CARNMT1: variants seen among roughly 807,000 people sequenced by gnomAD.
CARNMT1 encodes protein-L-histidine N-pros-methyltransferase CARNMT1.
A neutral mutation model predicts 49.6 loss-of-function variants in CARNMT1; 28 were observed. The ratio of observed to expected loss-of-function variants is 0.56; its 90% CI spans 0.42 to 0.77. CARNMT1 has a LOEUF of 0.77. Ranked by LOEUF, CARNMT1 falls within the 30% of genes least tolerant of loss-of-function variation. The pLI, the probability that CARNMT1 is intolerant of heterozygous loss-of-function variation, is 0.00. For missense variants in CARNMT1, 421 were observed against 512.6 expected, an observed-to-expected ratio of 0.82 and a Z score of 1.73; for synonymous variants, 178 against 175.0, an observed-to-expected ratio of 1.02 and a Z score of -0.13.
chr9:75,010,087 CTCTT>C (rs941309798), intron 3 of CARNMT1: 3 of 142,790 alleles, frequency 2.1e-5, no homozygotes, highest in African/African-American at 7.8e-5. Context: ...ATAAAAAAAA[CTCTT>C]TCTCTCTTAT....
At chr9:74,989,307 G>A (rs1364964674) in intron 6 of CARNMT1, among the ~76,000 whole-genome samples, 2 of 151,988 alleles carry the variant, frequency 1.3e-5, no homozygotes, top group Non-Finnish European at 2.9e-5. Context: ...GAGATGAAGG[G>A]TCTTGCTGTG....
At chr9:75,010,649 T>C in intron 3 of CARNMT1, among the ~76,000 whole-genome samples, 1 of 152,058 alleles carries the variant, frequency 6.6e-6, no homozygotes, top group East Asian at 1.9e-4. Flanking sequence ...GATAGAGAAA[T>C]AATGTGAAGA....
intron 5 of CARNMT1, among the ~76,000 whole-genome samples, chr9:74,998,318 A>AT (rs1266350874): frequency 2.0e-5 from 3 of 151,908 alleles, no homozygotes; most frequent in African/African-American, 7.3e-5. Flanking sequence ...ATAACCTTTC[A>AT]TTTTTTTGGT....
At chr9:75,016,471 A>T in intron 2 of CARNMT1, 40 bp from the exon 3 acceptor site, 1 of 1,596,670 alleles carries the variant, frequency 6.3e-7, no homozygotes, top group Admixed American at 1.7e-5. Context: ...CTGAGAGAGT[A>T]ATCCACTTAT....
intron 3 of CARNMT1, among the ~76,000 whole-genome samples, chr9:75,000,726 T>C (rs1833328806): frequency 6.6e-6 from 1 of 152,226 alleles, no homozygotes; most frequent in East Asian, 1.9e-4. Flanking sequence ...CTGTATTTCC[T>C]AAATTTGGTT....
intron 3 of CARNMT1, among the ~76,000 whole-genome samples, chr9:75,003,858 ATT>A (rs1026191121): frequency 9.9e-5 from 15 of 152,284 alleles, no homozygotes; most frequent in African/African-American, 3.1e-4. Flanking sequence ...CAAGATATGC[ATT>A]TGTTTTTTGT....
chr9:74,989,455 C>T (rs1255123914), intron 6 of CARNMT1, among the ~76,000 whole-genome samples: 2 of 152,056 alleles, frequency 1.3e-5, no homozygotes, highest in East Asian at 3.9e-4. Flanking sequence ...TGTTGTACAG[C>T]CTATTTCATT....
intron 6 of CARNMT1, among the ~76,000 whole-genome samples, chr9:74,993,417 T>A (rs1833091752): frequency 1.3e-5 from 2 of 151,598 alleles, no homozygotes; most frequent in South Asian, 4.2e-4. Flanking sequence ...TCCTGAAGAG[T>A]TTAGGTTTTC....
intron 6 of CARNMT1, among the ~76,000 whole-genome samples, chr9:74,993,827 A>G (rs984131412): frequency 2.6e-5 from 4 of 152,110 alleles, no homozygotes; most frequent in Non-Finnish European, 4.4e-5. Context: ...CAAAACCACA[A>G]TCGAGAAACC....
chr9:74,994,623 A>G (rs1010559462), intron 6 of CARNMT1, among the ~76,000 whole-genome samples: 3 of 152,230 alleles, frequency 2.0e-5, no homozygotes, highest in African/African-American at 4.8e-5. Context: ...GGTAGGAGGA[A>G]TATGGAGTCA....
At chr9:75,008,879 G>T (rs767711251) in intron 3 of CARNMT1, among the ~76,000 whole-genome samples, 6 of 151,946 alleles carry the variant, frequency 3.9e-5, no homozygotes, top group Admixed American at 6.6e-5. Flanking sequence ...AACAACAAAC[G>T]AGGACTCACA....
At chr9:75,011,272 T>C (rs1213183447) in intron 3 of CARNMT1, among the ~76,000 whole-genome samples, 1 of 152,204 alleles carries the variant, frequency 6.6e-6, no homozygotes, top group East Asian at 1.9e-4. Flanking sequence ...AGACAGACCC[T>C]GTAGTGGTGC....
intron 6 of CARNMT1, among the ~76,000 whole-genome samples, chr9:74,993,421 G>C (rs543665716): frequency 1.3e-5 from 2 of 152,246 alleles, no homozygotes; most frequent in East Asian, 3.9e-4. Flanking sequence ...GAAGAGTTTA[G>C]GTTTTCCAGA....
intron 1 of CARNMT1, among the ~76,000 whole-genome samples, chr9:75,024,081 C>T (rs1822453917): frequency 6.6e-6 from 1 of 152,140 alleles, no homozygotes; most frequent in South Asian, 2.1e-4. Flanking sequence ...GATTTAGTCA[C>T]CTGTCATCAG....
intron 3 of CARNMT1, among the ~76,000 whole-genome samples, chr9:75,011,824 A>G (rs552792458): frequency 6.6e-6 from 1 of 152,318 alleles, no homozygotes; most frequent in Non-Finnish European, 1.5e-5. Flanking sequence ...GAGAGCAGCT[A>G]AGACCCTCAG....
intron 1 of CARNMT1, among the ~76,000 whole-genome samples, chr9:75,021,619 A>G (rs1348852019): frequency 6.6e-6 from 1 of 151,272 alleles, no homozygotes; most frequent in Admixed American, 6.6e-5. Context: ...ACCACTTCTA[A>G]CCTTTTGGCA....
upstream of CARNMT1, chr9:75,028,344 C>A (rs1362427802): frequency 7.7e-7 from 1 of 1,305,896 alleles, no homozygotes; most frequent in Admixed American, 4.2e-5. Context: ...CGCGGACATG[C>A]CCCCAGCTCG....
At chr9:74,990,884 TAAGA>T (rs1198496329) in intron 6 of CARNMT1, among the ~76,000 whole-genome samples, 1 of 151,876 alleles carries the variant, frequency 6.6e-6, no homozygotes, top group African/African-American at 2.4e-5. Flanking sequence ...AAGTTCTGGT[TAAGA>T]GAGAAAGATT....
chr9:75,013,146 T>C (rs1009274287), intron 3 of CARNMT1, among the ~76,000 whole-genome samples: 24 of 152,308 alleles, frequency 1.6e-4, no homozygotes, highest in Admixed American at 1.4e-3. Flanking sequence ...AAAAGATGCA[T>C]GATGGAAAAT....
Sources: gnomAD v4.1 joint callset for allele counts (sites outside exome capture counted in the v4.1 genomes callset) on GRCh38, gnomAD v4.1.1 for gene constraint, MANE v1.5 for transcripts, NCBI Gene and HGNC (gene_info 2026-07-23, HGNC 2026-07-21) for gene names.